Variants in SUSD5 observed in about 807,000 individuals in gnomAD.
SUSD5 encodes the protein sushi domain containing 5, also known as sushi domain-containing protein 5.
Under a neutral mutation model 29.5 loss-of-function variants are expected in SUSD5, and 33 were observed. The observed-to-expected ratio is 1.12, with a 90% CI of 0.85 to 1.49. The LOEUF (loss-of-function observed/expected upper bound fraction) is 1.49, where lower values mean the gene tolerates loss of function less well. SUSD5 is among the 40% of genes most tolerant of loss of function. The pLI, the probability that SUSD5 is intolerant of heterozygous loss-of-function variation, is 0.00. For synonymous variants in SUSD5, 308 were observed against 325.3 expected, an observed-to-expected ratio of 0.95 and a Z score of 0.57; for missense variants, 776 against 800.6, an observed-to-expected ratio of 0.97 and a Z score of 0.37.
At chr3:33,168,935 C>T (rs1001075272) in intron 4 of SUSD5, among the ~76,000 whole-genome samples, 5 of 152,216 alleles carry the variant, frequency 3.3e-5, no homozygotes, top group Non-Finnish European at 1.5e-5. Context: ...CAGGCATGAG[C>T]CACTGCACCT....
chr3:33,207,987 A>C, intron 2 of SUSD5, 61 bp from the exon 3 acceptor site: 1 of 1,266,442 alleles, frequency 7.9e-7, no homozygotes, highest in African/African-American at 1.5e-5. Context: ...AATAAGGAAT[A>C]ATTCTCTTCT....
intron 4 of SUSD5, among the ~76,000 whole-genome samples, chr3:33,164,352 A>T (rs1216987561): frequency 1.3e-5 from 2 of 152,178 alleles, no homozygotes; most frequent in East Asian, 1.9e-4. Flanking sequence ...GAAAAAGAAG[A>T]AGTTTTATTT....
Position 33,153,720 on chromosome 3 carries a change from A to C in SUSD5, c.912T>G (p.Pro304=), listed in dbSNP as rs959884219. 29 of 1,613,898 alleles carry C rather than the reference A, an allele frequency of 1.8e-5. No homozygotes were observed. The highest frequency in any genetic ancestry group is 2.4e-5 in the Non-Finnish European group (28 of 1,179,892). The part of the protein sequence containing the change: ...FWFPAEAFHK[P]GLEKEVDDDT... ...CATCATCCACCTCCTTTTCCAACCC[A>C]GGCTTGTGGAAAGCCTCAGCAGGAA... Residue 304 remains proline, a synonymous_variant, in exon 5 of 5, where the codon CCT becomes CCG. Transcript: ENST00000309558.
chr3:33,177,864 G>C (rs937280646), intron 3 of SUSD5, among the ~76,000 whole-genome samples: 1 of 152,266 alleles, frequency 6.6e-6, no homozygotes, highest in Middle Eastern at 3.4e-3. Flanking sequence ...ATTAGTTCCA[G>C]CTTTTTGTTG....
At chr3:33,160,792 A>C (rs911024585) in intron 4 of SUSD5, among the ~76,000 whole-genome samples, 3 of 136,428 alleles carry the variant, frequency 2.2e-5, no homozygotes, top group African/African-American at 8.7e-5. Flanking sequence ...GAATTTTATA[A>C]AACCAGAAAA....
intron 3 of SUSD5, among the ~76,000 whole-genome samples, chr3:33,196,384 T>C (rs1050692841): frequency 2.0e-5 from 3 of 152,210 alleles, no homozygotes; most frequent in African/African-American, 7.2e-5. Flanking sequence ...TGATGGATTC[T>C]TGGGGTTGGG....
At chr3:33,218,549 C>G in intron 1 of SUSD5, 137 bp downstream of exon 1, 1 of 797,954 alleles carries the variant, frequency 1.3e-6, no homozygotes, top group Non-Finnish European at 1.7e-6. Context: ...GGTCGCAGGA[C>G]CGCGGCTCGT....
intron 3 of SUSD5, 44 bp downstream of exon 3, chr3:33,207,764 A>C: frequency 7.3e-7 from 1 of 1,375,072 alleles, no homozygotes; most frequent in Non-Finnish European, 1.0e-6. Flanking sequence ...AGCAATCCCC[A>C]AGAGCACACC....
At chr3:33,174,786 C>T in intron 4 of SUSD5, 100 bp downstream of exon 4, 1 of 1,413,198 alleles carries the variant, frequency 7.1e-7, no homozygotes, top group South Asian at 1.3e-5. Flanking sequence ...TTCAAAGGCA[C>T]CTTGGTGGAG....
chr3:33,153,333 A>G lies in SUSD5; in HGVS notation c.1299T>C (p.His433=). The G allele has an allele frequency of 6.2e-7, 1 of 1,613,886 alleles. No homozygotes were observed. Among genetic ancestry groups the G allele is most frequent in the Non-Finnish European group, 8.5e-7 (1 of 1,179,856 alleles). The change falls in exon 5 of 5, where the codon CAT becomes CAC. Residue 433 remains histidine (H), a synonymous_variant. Transcript: ENST00000309558. ...STLTPSEGMT[H]SSVLPSQMLD... is the part of the protein sequence containing the mutation. Reference sequence around the variant, plus strand: ...GCATTTGAGATGGAAGAACTGAACTATGGGTCATGCCCTCGCTTGGTGTGA... The same window carrying G: ...GCATTTGAGATGGAAGAACTGAACTGTGGGTCATGCCCTCGCTTGGTGTGA...
intron 2 of SUSD5, among the ~76,000 whole-genome samples, chr3:33,212,517 G>A (rs569971053): frequency 1.3e-5 from 2 of 152,350 alleles, no homozygotes; most frequent in South Asian, 4.1e-4. Flanking sequence ...GGCTAGTCTT[G>A]CGTATAATGT....
chr3:33,179,845 G>A (rs560824172), intron 3 of SUSD5, among the ~76,000 whole-genome samples: 1 of 152,270 alleles, frequency 6.6e-6, no homozygotes, highest in African/African-American at 2.4e-5. Context: ...TGGTCAAGGA[G>A]GAACTGAATA....
intron 4 of SUSD5, among the ~76,000 whole-genome samples, chr3:33,160,147 T>C (rs1229222298): frequency 1.3e-5 from 2 of 152,106 alleles, no homozygotes; most frequent in Non-Finnish European, 2.9e-5. Flanking sequence ...AAAAATTGTT[T>C]TATGTTTTGC....
intron 3 of SUSD5, among the ~76,000 whole-genome samples, chr3:33,176,696 T>C (rs562278202): frequency 1.3e-5 from 2 of 152,368 alleles, no homozygotes; most frequent in South Asian, 4.1e-4. Flanking sequence ...GGTTTTCTCC[T>C]ATGATAACTT....
Position 33,207,825 on chromosome 3 carries a change from A to G in SUSD5, c.392T>C (p.Leu131Pro). 1.9e-6 allele frequency: 3 copies of G among 1,610,968 alleles called. No individual in the cohort carries two copies. Among genetic ancestry groups the G allele is most frequent in the Non-Finnish European group, 2.5e-6 (3 of 1,177,388 alleles). Reference sequence around the variant, plus strand: ...GCACTGACCTTCATCCTTAATACAAAGGGCACTGTATGTGCCACCAGGAAC... The same window carrying G: ...GCACTGACCTTCATCCTTAATACAAGGGGCACTGTATGTGCCACCAGGAAC... The part of the protein sequence containing the change: ...NPVPGGTYSA[L>P]CIKDEEKPCG... The change falls in exon 3 of 5, where the codon CTT (leucine) becomes CCT (proline). Residue 131 changes from leucine (L) to proline (P), a missense_variant. Coordinates refer to ENST00000309558, the MANE Select transcript of SUSD5 (RefSeq NM_015551.2).
At chr3:33,169,594 C>G (rs1053997707) in intron 4 of SUSD5, among the ~76,000 whole-genome samples, 1 of 152,100 alleles carries the variant, frequency 6.6e-6, no homozygotes, top group Non-Finnish European at 1.5e-5. Context: ...AAAGCAGGCC[C>G]AAAAAACAAC....
At chr3:33,208,009 C>A in intron 2 of SUSD5, 83 bp from the exon 3 acceptor site, 1 of 989,116 alleles carries the variant, frequency 1.0e-6, no homozygotes, top group Non-Finnish European at 1.5e-6. Flanking sequence ...CTGTCAGCTC[C>A]GAATCAGCAG....
At chr3:33,162,943 G>T (rs1478227834) in intron 4 of SUSD5, among the ~76,000 whole-genome samples, 1 of 148,044 alleles carries the variant, frequency 6.8e-6, no homozygotes, top group Non-Finnish European at 1.5e-5. Flanking sequence ...ATTATGTCCA[G>T]GAAACTAAAA....
Position 33,167,520 on chromosome 3 carries a change from G to A in SUSD5, c.598+7366C>T, listed in dbSNP as rs1380941164. On this transcript the variant is annotated intron_variant, in intron 4 of 4. Transcript: ENST00000309558. The surrounding 1 kb of genome is among the most constrained non-coding windows in gnomAD (Gnocchi z 4.1). ...GGTTCTGCCTCCAGAGCTCCCTGAGGCTACAGCAACCCTGGGCAGAAGCCC... is the reference window on the plus strand; with the variant it reads ...GGTTCTGCCTCCAGAGCTCCCTGAGACTACAGCAACCCTGGGCAGAAGCCC... 5.9e-5 allele frequency among the ~76,000 whole-genome samples: 9 copies of A among 152,050 alleles called. No homozygotes were observed. The highest frequency in any genetic ancestry group is 6.6e-5 in the Admixed American group (1 of 15,262).
Sources: gnomAD v4.1 joint callset for allele counts (sites outside exome capture counted in the v4.1 genomes callset) on GRCh38, gnomAD v4.1.1 for gene constraint, Gnocchi (gnomAD v3.1) non-coding constraint, MANE v1.5 for transcripts, NCBI Gene and HGNC (gene_info 2026-07-23, HGNC 2026-07-21) for gene names.